The following DNAH11 variants were observed in gnomAD, a reference collection of about 807,000 sequenced individuals.
DNAH11 encodes axonemal beta dynein heavy chain 11.
Under a neutral mutation model 526.0 loss-of-function variants are expected in DNAH11, and 442 were observed. That is an observed-to-expected ratio of 0.84 (90% CI 0.78 to 0.91). The LOEUF (loss-of-function observed/expected upper bound fraction) is 0.91. Among genes scored for constraint, DNAH11 ranks in the 40% least tolerant of loss-of-function variants. The probability of loss-of-function intolerance (pLI) is 0.00; values close to 1 mark genes in which losing one functional copy is unlikely to be tolerated. For missense variants in DNAH11, 6,989 were observed against 5,448.7 expected (o/e 1.28, Z -8.90); for synonymous variants, 2,461 against 1,935.9 (o/e 1.27, Z -7.12).
intron 55 of DNAH11, among the ~76,000 whole-genome samples, chr7:21,769,650 A>G (rs1213027139): frequency 6.6e-6 from 1 of 151,866 alleles, no homozygotes; most frequent in Non-Finnish European, 1.5e-5. Context: ...ACGCCCTGCT[A>G]ATTTTTGTAC....
intron 55 of DNAH11, 54 bp from the exon 56 acceptor site, chr7:21,773,712 T>C (rs1378105244): frequency 1.7e-6 from 2 of 1,207,560 alleles, no homozygotes; most frequent in Non-Finnish European, 2.2e-6. Context: ...TTTTTTTAAG[T>C]TGTATTTTTA....
intron 79 of DNAH11, among the ~76,000 whole-genome samples, chr7:21,895,241 T>C (rs1784468343): frequency 6.6e-6 from 1 of 152,234 alleles, no homozygotes; most frequent in East Asian, 1.9e-4. Flanking sequence ...CATTGATACA[T>C]GATCTTAGAC....
chr7:21,875,957 C>A (rs1783693669), intron 74 of DNAH11, among the ~76,000 whole-genome samples: 1 of 143,306 alleles, frequency 7.0e-6, no homozygotes, highest in Non-Finnish European at 1.5e-5. Context: ...GATCTCGGCT[C>A]ACTGCAAGCT....
chr7:21,613,533 T>A (rs1562701171), intron 20 of DNAH11, among the ~76,000 whole-genome samples: 7 of 152,296 alleles, frequency 4.6e-5, no homozygotes, highest in South Asian at 4.1e-4. Context: ...GAAAGCAGGA[T>A]GCTAATACTC....
chr7:21,810,413 T>G (rs1355413055), intron 63 of DNAH11, among the ~76,000 whole-genome samples: 1 of 152,178 alleles, frequency 6.6e-6, no homozygotes, highest in Non-Finnish European at 1.5e-5. Flanking sequence ...AAGATGGACA[T>G]GGGCACAGAT....
intron 63 of DNAH11, among the ~76,000 whole-genome samples, chr7:21,809,547 T>A (rs1171298019): frequency 6.6e-6 from 1 of 152,086 alleles, no homozygotes; most frequent in Non-Finnish European, 1.5e-5. Flanking sequence ...GTTTTTGTTT[T>A]GTTTTTTGTT....
intron 25 of DNAH11, among the ~76,000 whole-genome samples, chr7:21,628,233 G>T (rs1786442598): frequency 6.6e-6 from 1 of 151,784 alleles, no homozygotes; most frequent in Non-Finnish European, 1.5e-5. Context: ...CATGTAATCT[G>T]AGAACAAGGC....
intron 42 of DNAH11, among the ~76,000 whole-genome samples, chr7:21,713,290 A>G (rs1784530064): frequency 6.6e-6 from 1 of 152,068 alleles, no homozygotes; most frequent in African/African-American, 2.4e-5. Context: ...TGTGGTCTGT[A>G]TGGACCACAT....
At chr7:21,880,293 T>C (rs1177196606) in intron 74 of DNAH11, among the ~76,000 whole-genome samples, 1 of 152,054 alleles carries the variant, frequency 6.6e-6, no homozygotes, top group East Asian at 1.9e-4. Context: ...CAGGGAAGAA[T>C]GGATAGTTGT....
chr7:21,816,177 T>C (rs1432233615), intron 63 of DNAH11, among the ~76,000 whole-genome samples: 6 of 152,160 alleles, frequency 3.9e-5, no homozygotes, highest in Admixed American at 3.9e-4. Context: ...GGGTGTAAAT[T>C]CACTCTTACC....
chr7:21,663,977 T>C (rs1451600736), intron 30 of DNAH11, among the ~76,000 whole-genome samples: 3 of 151,970 alleles, frequency 2.0e-5, no homozygotes, highest in African/African-American at 7.2e-5. Context: ...GGTAATTCTA[T>C]TTTTAATTTT....
At chr7:21,900,414 C>T (rs753360270) in intron 81 of DNAH11, among the ~76,000 whole-genome samples, 3 of 151,128 alleles carry the variant, frequency 2.0e-5, no homozygotes, top group African/African-American at 4.9e-5. Flanking sequence ...TTTTGCTTTT[C>T]AATATAATCA....
At chr7:21,765,734 T>A (rs1268217378) in intron 55 of DNAH11, 145 bp downstream of exon 55, 14 of 1,193,408 alleles carry the variant, frequency 1.2e-5, no homozygotes, top group Non-Finnish European at 1.5e-5. Context: ...TTGTTTAAGA[T>A]GCTAAACTTA....
Position 21,901,342 on chromosome 7 carries a change from A to AAC in DNAH11, c.*89_*90dup. ...GCACTGTTCCCATGCACATTATTCT[A>AAC]ACTTTTTAGTAACTCACACGTGCAT... On this transcript the variant is annotated 3_prime_UTR_variant, in exon 82 of 82. Coordinates refer to ENST00000409508, the MANE Select transcript of DNAH11 (RefSeq NM_001277115.2). 7.2e-7 allele frequency: 1 copy of AAC among 1,393,976 alleles called. No homozygotes were observed. The highest frequency in any genetic ancestry group is 9.4e-7 in the Non-Finnish European group (1 of 1,064,358). 86.4% of individuals were successfully genotyped at this position (1,393,976 alleles called of 1,614,324 possible). A position where few individuals can be genotyped will look rare whatever the true frequency, so the allele number is the denominator to read the frequency against.
intron 18 of DNAH11, among the ~76,000 whole-genome samples, chr7:21,602,893 A>G (rs979920254): frequency 6.6e-6 from 1 of 152,126 alleles, no homozygotes; most frequent in Admixed American, 6.5e-5. Context: ...GGTGAAATGT[A>G]CTATTCGGAT....
chr7:21,741,895 C>G, intron 48 of DNAH11, 32 bp from the exon 49 acceptor site: 1 of 1,609,948 alleles, frequency 6.2e-7, no homozygotes, highest in Non-Finnish European at 8.5e-7. Flanking sequence ...CAATTGTAAT[C>G]CTTACACTCT....
chr7:21,842,904 A>T (rs977978097), intron 66 of DNAH11, among the ~76,000 whole-genome samples, 156 bp downstream of exon 66: 2 of 152,248 alleles, frequency 1.3e-5, no homozygotes, highest in South Asian at 2.1e-4. Flanking sequence ...TAAACAATTC[A>T]AAGTTGCTCT....
intron 9 of DNAH11, among the ~76,000 whole-genome samples, chr7:21,582,498 C>G (rs746363834): frequency 6.6e-6 from 1 of 152,026 alleles, no homozygotes; most frequent in Non-Finnish European, 1.5e-5. Flanking sequence ...TTTTGTGTAA[C>G]AATAAAAAAT....
chr7:21,716,559 G>A (rs940034059), intron 42 of DNAH11, among the ~76,000 whole-genome samples: 9 of 152,116 alleles, frequency 5.9e-5, no homozygotes, highest in Admixed American at 3.9e-4. Flanking sequence ...TCCTTTCCCT[G>A]AGCAATCCTC....
Sources: gnomAD v4.1 joint callset for allele counts (sites outside exome capture counted in the v4.1 genomes callset) on GRCh38, gnomAD v4.1.1 for gene constraint, MANE v1.5 for transcripts, NCBI Gene and HGNC (gene_info 2026-07-23, HGNC 2026-07-21) for gene names.